PHF14: variants seen among roughly 807,000 people sequenced by gnomAD.
PHF14 encodes PHD finger protein 14.
In PHF14, 55 loss-of-function variants were observed where a neutral mutation model predicts 117.9. The observed-to-expected ratio is 0.47, with a 90% CI of 0.38 to 0.58. PHF14 has a LOEUF of 0.58. Among genes scored for constraint, PHF14 ranks in the 20% least tolerant of loss-of-function variants. PHF14 has a pLI of 0.00. For synonymous variants in PHF14, 409 were observed against 368.6 expected, an observed-to-expected ratio of 1.11 and a Z score of -1.26; for missense variants, 978 against 1,122.2, an observed-to-expected ratio of 0.87 and a Z score of 1.84.
At chr7:11,151,283 C>G (rs897457461) in intron 17 of PHF14, among the ~76,000 whole-genome samples, 1 of 152,098 alleles carries the variant, frequency 6.6e-6, no homozygotes, top group African/African-American at 2.4e-5. Context: ...AGGCCAGGCA[C>G]AGTGTTTCTC....
At chr7:11,027,572 G>A (rs1008871747) in intron 6 of PHF14, among the ~76,000 whole-genome samples, 1 of 151,914 alleles carries the variant, frequency 6.6e-6, no homozygotes, top group African/African-American at 2.4e-5. Flanking sequence ...AAATCTGAGA[G>A]GATTTGCGGT....
chr7:11,029,721 T>A (rs2128320520), intron 7 of PHF14, among the ~76,000 whole-genome samples: 1 of 152,274 alleles, frequency 6.6e-6, no homozygotes, highest in Non-Finnish European at 1.5e-5. Context: ...CCTCAGTAAT[T>A]TTTAAGAATG....
rs997401731 is a variant in PHF14, at chr7:11,036,752, A to T, written c.1873+64A>T. On this transcript the variant is annotated intron_variant, in intron 9 of 17. Transcript: ENST00000634607. Reference sequence around the variant, plus strand: ...AACAATTTGTTAATGAAAATGTTTGATATACTGTTAATTTTTAGAAATTTA... The same window carrying T: ...AACAATTTGTTAATGAAAATGTTTGTTATACTGTTAATTTTTAGAAATTTA... 9 of 1,408,466 alleles carry T rather than the reference A, an allele frequency of 6.4e-6. No individual in the cohort carries two copies. The African/African-American group carries it at 1.1e-4, about 18-fold the overall frequency. 87.2% of individuals were successfully genotyped at this position (1,408,466 alleles called of 1,614,324 possible).
chr7:11,130,387 A>G lies in PHF14; in HGVS notation c.2772+18920A>G, dbSNP rs1232717653. Among the ~76,000 whole-genome samples the G allele has an allele frequency of 2.0e-5, 3 of 152,034 alleles. No homozygotes were observed. The highest frequency in any genetic ancestry group is 4.4e-5 in the Non-Finnish European group (3 of 67,952). On this transcript the variant is annotated intron_variant, in intron 17 of 17. Coordinates refer to ENST00000634607, the MANE Select transcript of PHF14 (RefSeq NM_001007157.2). This position sits in a 1 kb window ranked among gnomAD's most constrained non-coding sequence, Gnocchi z 4.2. ...GAGAGAGAGAACGTATATACAATTT[A>G]TATGGGGGAAACTGCATAATAGTGT... is the stretch of plus-strand genomic sequence containing the variant.
chr7:11,105,723 C>A, intron 16 of PHF14: 1 of 984,604 alleles, frequency 1.0e-6, no homozygotes, highest in Non-Finnish European at 1.2e-6. Flanking sequence ...AAGCCTCTTT[C>A]CCATAGTGCT....
At chr7:11,080,505 T>G (rs1786055813) in intron 16 of PHF14, among the ~76,000 whole-genome samples, 1 of 152,144 alleles carries the variant, frequency 6.6e-6, no homozygotes, top group South Asian at 2.1e-4. Flanking sequence ...ACTTTTTCAG[T>G]AGATTTTATT....
intron 3 of PHF14, among the ~76,000 whole-genome samples, chr7:10,984,285 C>T (rs2128308440): frequency 2.0e-5 from 3 of 152,170 alleles, no homozygotes; most frequent in African/African-American, 7.2e-5. Flanking sequence ...GTGAGGTTAT[C>T]AGTGGAGATG....
chr7:11,016,028 A>G (rs1783522492), intron 5 of PHF14, among the ~76,000 whole-genome samples: 1 of 152,154 alleles, frequency 6.6e-6, no homozygotes, highest in Non-Finnish European at 1.5e-5. Context: ...CATAATAGAC[A>G]AAACAACTGG....
chr7:10,992,969 A>G (rs1239637372), intron 4 of PHF14, among the ~76,000 whole-genome samples: 2 of 152,082 alleles, frequency 1.3e-5, no homozygotes, highest in African/African-American at 2.4e-5. Flanking sequence ...TGTTCCTAAT[A>G]TGATTAGATT....
At chr7:11,104,429 T>C in intron 16 of PHF14, 1 of 958,350 alleles carries the variant, frequency 1.0e-6, no homozygotes, top group Non-Finnish European at 1.2e-6. Flanking sequence ...TATAAAATTA[T>C]TCCGTGTCCA....
intron 16 of PHF14, among the ~76,000 whole-genome samples, chr7:11,085,891 T>G (rs1031470422): frequency 1.3e-5 from 2 of 149,238 alleles, no homozygotes; most frequent in Non-Finnish European, 3.0e-5. Flanking sequence ...CATAATAGTT[T>G]AAAAAAAAAA....
At chr7:11,062,355 A>G (rs1002400774) in intron 16 of PHF14, 16 of 228,298 alleles carry the variant, frequency 7.0e-5, no homozygotes, top group Non-Finnish European at 1.1e-4. Flanking sequence ...AGTGCTCTCT[A>G]TTTAGAGGCC....
chr7:11,056,386 TC>T (rs554025938), intron 14 of PHF14, among the ~76,000 whole-genome samples: 194 of 134,698 alleles, frequency 1.4e-3, no homozygotes, highest in African/African-American at 4.7e-3. Flanking sequence ...TTATTATATA[TC>T]ATTAGACCCA....
At chr7:11,117,612 T>TATGTATTTATATGTATAAATACAAAG in intron 17 of PHF14, among the ~76,000 whole-genome samples, 1 of 150,856 alleles carries the variant, frequency 6.6e-6, no homozygotes. Flanking sequence ...TAAATACAAA[T>TATGTATTTATATGTATAAATACAAAG]ATGTATTTGT....
chr7:10,974,945 G>C lies in PHF14; in HGVS notation c.112G>C (p.Asp38His). The change falls in exon 2 of 18, where the codon GAT (aspartate) becomes CAT (histidine). Residue 38 changes from aspartate (D) to histidine (H), a missense_variant and splice_region_variant. Physicochemically the swap from Asp to His is moderately conservative, Grantham distance 81 (BLOSUM62 -1). Transcript: ENST00000634607. ...TGATTTTAAAGTTGGAGATGCCTCA[G>C]GTAAATATTTCCTTCTCTCTTCCCC... ...DSDFKVGDASDSEGSGNGSED... is the reference protein window; with the variant it reads ...DSDFKVGDASHSEGSGNGSED... The C allele has an allele frequency of 7.1e-7, 1 of 1,400,466 alleles. No homozygotes were observed. Among genetic ancestry groups the C allele is most frequent in the South Asian group, 1.2e-5 (1 of 81,722 alleles). The allele number at this position is 1,400,466 out of a possible 1,614,324, so 86.8% of individuals were successfully genotyped here. A position where few individuals can be genotyped will look rare whatever the true frequency, so the allele number is the denominator to read the frequency against.
intron 4 of PHF14, among the ~76,000 whole-genome samples, chr7:11,013,511 T>A (rs1405962686): frequency 2.0e-5 from 3 of 152,216 alleles, no homozygotes; most frequent in Admixed American, 1.3e-4. Flanking sequence ...CCACCTTTAA[T>A]GCTTTTACAG....
chr7:11,162,072 CTTTTTTTTT>C (rs564998009), intron 17 of PHF14, among the ~76,000 whole-genome samples: 1 of 70,276 alleles, frequency 1.4e-5, no homozygotes, highest in Non-Finnish European at 3.0e-5. Flanking sequence ...AAAAATATGT[CTTTTTTTTT>C]TTTTTTTTTT....
intron 16 of PHF14, chr7:11,107,182 T>A: frequency 1.0e-6 from 1 of 984,726 alleles, no homozygotes; most frequent in East Asian, 1.1e-4. Flanking sequence ...ATAAATCAGC[T>A]GCTTCTTTTT....
intron 16 of PHF14, chr7:11,106,915 T>G: frequency 1.0e-6 from 1 of 983,654 alleles, no homozygotes; most frequent in Non-Finnish European, 1.2e-6. Flanking sequence ...AGTAAAATGT[T>G]CCATTGGCAT....
Sources: allele counts gnomAD v4.1 joint callset (sites outside exome capture counted in the v4.1 genomes callset), GRCh38; gene constraint gnomAD v4.1.1; non-coding constraint Gnocchi (gnomAD v3.1); transcripts MANE v1.5; gene names NCBI Gene and HGNC (gene_info 2026-07-23, HGNC 2026-07-21).